The following HTR2C variants were observed in gnomAD, a reference collection of about 807,000 sequenced individuals.
HTR2C encodes the protein 5-hydroxytryptamine receptor 2C.
HTR2C carries 5 observed loss-of-function variants against 21.0 expected under a neutral mutation model. The observed-to-expected ratio is 0.24, with a 90% CI of 0.12 to 0.50. The LOEUF (loss-of-function observed/expected upper bound fraction) is 0.50. Ranked by LOEUF, HTR2C falls within the 20% of genes least tolerant of loss-of-function variation. The pLI is 0.98. For synonymous variants in HTR2C, 150 were observed against 145.3 expected, an observed-to-expected ratio of 1.03 and a Z score of -0.23; for missense variants, 271 against 371.2, an observed-to-expected ratio of 0.73 and a Z score of 2.22.
intron 5 of HTR2C, among the ~76,000 whole-genome samples, chrX:114,856,531 A>G (rs1385215585): frequency 3.8e-5 from 4 of 104,576 alleles, no homozygotes; most frequent in Non-Finnish European, 7.9e-5. Flanking sequence ...CTAAGCCAAA[A>G]GAACAAAGCT....
intron 1 of HTR2C, among the ~76,000 whole-genome samples, chrX:114,606,482 G>T (rs1270257813): frequency 1.8e-5 from 2 of 111,597 alleles, no homozygotes; most frequent in South Asian, 7.7e-4. Context: ...TCCGTGACCG[G>T]CGCCGGAGTT....
At position 114,731,444 on chromosome X, in the gene HTR2C, C is replaced by A; in HGVS notation, c.186C>A (p.Ile62=). ...VQNWPALSIV[I]IIIMTIGGNI... ...ACTGGCCAGCACTTTCAATCGTCAT[C>A]ATAATAATCATGACAATAGGTGGCA... The change falls in exon 4 of 6, where the codon ATC becomes ATA. Residue 62 remains isoleucine (I), a synonymous_variant. Coordinates refer to ENST00000276198, the MANE Select transcript of HTR2C (RefSeq NM_000868.4). 1 of 1,209,705 alleles carries A rather than the reference C, an allele frequency of 8.3e-7. No individual in the cohort carries two copies. The highest frequency in any genetic ancestry group is 2.3e-4 in the Middle Eastern group (1 of 4,348).
At chrX:114,906,377 G>T (rs2071372164) in intron 5 of HTR2C, among the ~76,000 whole-genome samples, 1 of 111,609 alleles carries the variant, frequency 9.0e-6, no homozygotes, top group African/African-American at 3.3e-5. Flanking sequence ...ACAGAATTTA[G>T]GGAGAAGGCA....
intron 2 of HTR2C, among the ~76,000 whole-genome samples, chrX:114,651,997 A>C (rs1342178227): frequency 2.7e-5 from 3 of 111,496 alleles, no homozygotes; most frequent in African/African-American, 9.7e-5. Flanking sequence ...GATAATTGAA[A>C]TCTCCATAGT....
chrX:114,839,250 A>G (rs185830274), intron 4 of HTR2C, among the ~76,000 whole-genome samples: 88 of 112,494 alleles, frequency 7.8e-4, no homozygotes, highest in African/African-American at 2.6e-3. Context: ...ATTGGACAGG[A>G]ATCCAAAACA....
intron 4 of HTR2C, chrX:114,774,693 A>C: frequency 3.5e-6 from 1 of 283,397 alleles, no homozygotes. Context: ...CATGTTGCAT[A>C]TTCAAGTATT....
At chrX:114,823,649 C>T (rs1325922711) in intron 4 of HTR2C, 1 of 298,144 alleles carries the variant, frequency 3.4e-6, no homozygotes, top group Non-Finnish European at 6.6e-6. Flanking sequence ...AGAGCTGCAT[C>T]ACTAGAAAGG....
intron 2 of HTR2C, among the ~76,000 whole-genome samples, chrX:114,690,296 T>C (rs1556414947): frequency 8.9e-6 from 1 of 111,887 alleles, no homozygotes; most frequent in East Asian, 2.8e-4. Context: ...GAATTAAATA[T>C]GCTAACATGC....
chrX:114,879,215 C>T (rs1556479206), intron 5 of HTR2C, among the ~76,000 whole-genome samples: 1 of 107,311 alleles, frequency 9.3e-6, no homozygotes, highest in East Asian at 2.9e-4. Flanking sequence ...TGCTTTTGAC[C>T]CATTTATGGT....
intron 4 of HTR2C, among the ~76,000 whole-genome samples, chrX:114,807,968 C>T (rs1556451370): frequency 9.1e-6 from 1 of 109,975 alleles, no homozygotes; most frequent in African/African-American, 3.3e-5. Context: ...ACCGCGCCCG[C>T]CCCATTCTTA....
At chrX:114,676,447 G>GT (rs1318154145) in intron 2 of HTR2C, among the ~76,000 whole-genome samples, 27 of 103,933 alleles carry the variant, frequency 2.6e-4, no homozygotes, top group African/African-American at 8.3e-4. Context: ...GCTTTCTGAG[G>GT]TAAAAAAAAA....
intron 2 of HTR2C, among the ~76,000 whole-genome samples, chrX:114,643,724 G>T (rs2147827732): frequency 9.0e-6 from 1 of 111,706 alleles, no homozygotes; most frequent in East Asian, 2.8e-4. Context: ...TCTTGGGCTG[G>T]CTTAATTTCA....
intron 5 of HTR2C, among the ~76,000 whole-genome samples, chrX:114,851,711 C>A (rs1476856548): frequency 1.4e-4 from 15 of 110,986 alleles, no homozygotes; most frequent in Non-Finnish European, 2.6e-4. Context: ...ATAAGAACTC[C>A]TTTTCATATA....
chrX:114,831,276 G>A (rs1408350287), intron 4 of HTR2C, among the ~76,000 whole-genome samples: 1 of 65,334 alleles, frequency 1.5e-5, no homozygotes, highest in African/African-American at 4.7e-5. Context: ...TCGCCACACT[G>A]ACTTCCACAA....
At chrX:114,640,380 C>T (rs1046256972) in intron 2 of HTR2C, among the ~76,000 whole-genome samples, 24 of 111,439 alleles carry the variant, frequency 2.2e-4, no homozygotes, top group African/African-American at 7.5e-4. Context: ...TTATATGACA[C>T]GGAATGCTAG....
intron 5 of HTR2C, among the ~76,000 whole-genome samples, chrX:114,897,923 G>C (rs1445337219): frequency 1.8e-5 from 2 of 112,393 alleles, no homozygotes; most frequent in Non-Finnish European, 3.8e-5. Flanking sequence ...TATATACCCA[G>C]TAATGGGATT....
intron 4 of HTR2C, among the ~76,000 whole-genome samples, chrX:114,763,895 T>C (rs1236935893): frequency 1.8e-5 from 2 of 111,506 alleles, no homozygotes; most frequent in African/African-American, 3.3e-5. Flanking sequence ...CTTAATCACT[T>C]CACTGCGGGA....
chrX:114,652,572 A>G (rs1930617174), intron 2 of HTR2C: 5 of 306,588 alleles, frequency 1.6e-5, no homozygotes, highest in Non-Finnish European at 3.2e-5. Context: ...ATATTATCAA[A>G]CTGAAAATTA....
chrX:114,635,988 G>C (rs1238744090), intron 2 of HTR2C, among the ~76,000 whole-genome samples: 1 of 110,700 alleles, frequency 9.0e-6, no homozygotes, highest in Non-Finnish European at 1.9e-5. Context: ...TGTATTTTCA[G>C]ACTGTGAATA....
Sources: gnomAD v4.1 joint callset for allele counts (sites outside exome capture counted in the v4.1 genomes callset) on GRCh38, gnomAD v4.1.1 for gene constraint, MANE v1.5 for transcripts, NCBI Gene and HGNC (gene_info 2026-07-23, HGNC 2026-07-21) for gene names.